Variants in STEEP1 observed in about 807,000 individuals in gnomAD.
STEEP1 encodes the protein STING ER exit protein.
STEEP1 carries 3 observed loss-of-function variants against 19.2 expected under a neutral mutation model. The ratio of observed to expected loss-of-function variants is 0.16; its 90% CI spans 0.07 to 0.40. The LOEUF (loss-of-function observed/expected upper bound fraction) is 0.40. Ranked by LOEUF, STEEP1 falls within the 10% of genes least tolerant of loss-of-function variation. The pLI, the probability that STEEP1 is intolerant of heterozygous loss-of-function variation, is 0.99. For missense variants in STEEP1, 54 were observed against 177.1 expected (o/e 0.30, Z 3.94); for synonymous variants, 46 against 63.7 (o/e 0.72, Z 1.32).
chrX:119,565,057 A>G (rs1439380056), intron 1 of STEEP1, 175 bp downstream of exon 1: 27 of 518,839 alleles, frequency 5.2e-5, no homozygotes, highest in East Asian at 5.3e-5. Flanking sequence ...AAAAGCAGGA[A>G]AAAAAAAAAT....
At chrX:119,551,053 A>C (rs750768646) in intron 2 of STEEP1, among the ~76,000 whole-genome samples, 1 of 112,401 alleles carries the variant, frequency 8.9e-6, no homozygotes, top group African/African-American at 3.2e-5. Context: ...TGTGCTTCAA[A>C]GAATATCATC....
chrX:119,561,861 T>C (rs1238373506), intron 1 of STEEP1, among the ~76,000 whole-genome samples: 1 of 111,203 alleles, frequency 9.0e-6, no homozygotes, highest in Non-Finnish European at 1.9e-5. Context: ...AAGTAAAGAT[T>C]TGTTGTTCCT....
chrX:119,550,507 C>T (rs754551720), intron 2 of STEEP1, among the ~76,000 whole-genome samples: 2 of 111,278 alleles, frequency 1.8e-5, no homozygotes, highest in Non-Finnish European at 3.8e-5. Context: ...ACTAGATAGC[C>T]ACATGCAAAA....
chrX:119,545,568 C>A (rs1411647227), intron 2 of STEEP1, 64 bp from the exon 3 acceptor site: 2 of 809,420 alleles, frequency 2.5e-6, no homozygotes, highest in South Asian at 2.1e-5. Context: ...CCTTACTATC[C>A]CATTTCTTCA....
chrX:119,552,996 C>G (rs1250634333), intron 2 of STEEP1, among the ~76,000 whole-genome samples: 1 of 110,391 alleles, frequency 9.1e-6, no homozygotes, highest in Non-Finnish European at 1.9e-5. Flanking sequence ...AACCCTGTCT[C>G]TACAAAAATT....
At chrX:119,551,423 T>C (rs1488714364) in intron 2 of STEEP1, among the ~76,000 whole-genome samples, 4 of 105,707 alleles carry the variant, frequency 3.8e-5, no homozygotes, top group Non-Finnish European at 7.8e-5. Flanking sequence ...GAGATTGTAG[T>C]GAACCGAGAT....
intron 2 of STEEP1, among the ~76,000 whole-genome samples, chrX:119,551,911 T>G (rs1404756064): frequency 1.0e-4 from 11 of 108,079 alleles, no homozygotes; most frequent in Non-Finnish European, 1.7e-4. Flanking sequence ...TTTTTTTTTT[T>G]TTTTTTTTAA....
At position 119,539,528 on chromosome X, in the gene STEEP1, C is replaced by T; in HGVS notation, c.*199G>A. ...CCTGGGCGAAAGAGCAAGACTTTAT[C>T]TCAAAAAAAAAAAAAAAAAAAAGAA... On this transcript the variant is annotated 3_prime_UTR_variant, in exon 7 of 7. Transcript: ENST00000644802. The T allele has an allele frequency of 3.6e-6, 1 of 281,255 alleles. No individual in the cohort carries two copies. The highest frequency in any genetic ancestry group is 5.9e-6 in the Non-Finnish European group (1 of 170,319). The allele number at this position is 281,255 out of a possible 1,213,427, so 23.2% of individuals were successfully genotyped here. A position where few individuals can be genotyped will look rare whatever the true frequency, so the allele number is the denominator to read the frequency against.
At chrX:119,548,301 G>A (rs2053219729) in intron 2 of STEEP1, among the ~76,000 whole-genome samples, 2 of 111,045 alleles carry the variant, frequency 1.8e-5, no homozygotes, top group Non-Finnish European at 3.8e-5. Flanking sequence ...GTGGGAGGCC[G>A]AGGCAGGCGG....
rs55913451 is a variant in STEEP1 at position 119,557,478 on chromosome X, C to CA, written c.242+2789dup. Among the ~76,000 whole-genome samples the CA allele has an allele frequency of 5.2e-4, 36 of 68,911 alleles. 1 individual carries two copies. The highest frequency in any genetic ancestry group is 1.6e-3 in the South Asian group (2 of 1,250). The allele number at this position is 68,911 out of a possible 115,157, so 59.8% of individuals were successfully genotyped here. A position where few individuals can be genotyped will look rare whatever the true frequency, so the allele number is the denominator to read the frequency against. On this transcript the variant is annotated intron_variant, in intron 2 of 6. Coordinates refer to ENST00000644802, the MANE Select transcript of STEEP1 (RefSeq NM_022101.4). The stretch of plus-strand genomic sequence containing the variant: ...CCAGGCATGGTAGCACACACCATCT[C>CA]AAAAAAAAAAAAAAAAAGAAAAAAG...
intron 6 of STEEP1, among the ~76,000 whole-genome samples, chrX:119,540,690 T>TG (rs2053156580): frequency 8.9e-6 from 1 of 112,460 alleles, no homozygotes; most frequent in Non-Finnish European, 1.9e-5. Flanking sequence ...CATTACATCC[T>TG]GGGACAACGT....
At chrX:119,541,294 G>C (rs1445048034) in intron 6 of STEEP1, 34 bp downstream of exon 6, 1 of 809,963 alleles carries the variant, frequency 1.2e-6, no homozygotes, top group Non-Finnish European at 1.9e-6. Flanking sequence ...CCAAATGATA[G>C]GGCCCCAGCA....
intron 2 of STEEP1, among the ~76,000 whole-genome samples, chrX:119,557,901 GTACTT>G (rs961070892): frequency 9.0e-6 from 1 of 110,736 alleles, no homozygotes; most frequent in Non-Finnish European, 1.9e-5. Context: ...CCAATTTGTA[GTACTT>G]TATTTTTTTT....
intron 2 of STEEP1, among the ~76,000 whole-genome samples, chrX:119,546,292 T>C (rs776812532): frequency 2.1e-4 from 23 of 109,009 alleles, no homozygotes; most frequent in African/African-American, 7.4e-4. Context: ...AATATAAAAA[T>C]TAGCTGGGCG....
chrX:119,546,437 T>C (rs1358769592), intron 2 of STEEP1, among the ~76,000 whole-genome samples: 1 of 48,499 alleles, frequency 2.1e-5, no homozygotes, highest in Non-Finnish European at 3.6e-5. Flanking sequence ...CGAGACTCCA[T>C]CTCAAAAAAA....
intron 2 of STEEP1, among the ~76,000 whole-genome samples, chrX:119,551,900 CTTT>C (rs58576371): frequency 0.068 from 6,258 of 91,364 alleles, 340 homozygotes; most frequent in African/African-American, 0.17. Flanking sequence ...GCTTCCAAAA[CTTT>C]TTTTTTTTTT....
intron 2 of STEEP1, among the ~76,000 whole-genome samples, chrX:119,559,919 C>G (rs2053309594): frequency 8.9e-6 from 1 of 111,734 alleles, no homozygotes; most frequent in Non-Finnish European, 1.9e-5. Flanking sequence ...CGTGGTGGCG[C>G]ACGCCTGTCA....
At chrX:119,549,074 G>A (rs1235580749) in intron 2 of STEEP1, among the ~76,000 whole-genome samples, 1 of 111,889 alleles carries the variant, frequency 8.9e-6, no homozygotes, top group Non-Finnish European at 1.9e-5. Flanking sequence ...AGGGGCTGAA[G>A]GTGGAGGAAA....
At position 119,561,192 on chromosome X, in the gene STEEP1, T is replaced by C. The variant is rs779538761; in HGVS notation, c.125-807A>G. Among the ~76,000 whole-genome samples, 14 of 108,076 alleles carry C rather than the reference T, an allele frequency of 1.3e-4. No individual in the cohort carries two copies. The East Asian group carries it at 4.1e-3, about 32-fold the overall frequency. The allele number at this position is 108,076 out of a possible 115,157, so 93.9% of individuals were successfully genotyped here. On this transcript the variant is annotated intron_variant, in intron 1 of 6. Coordinates refer to ENST00000644802, the MANE Select transcript of STEEP1 (RefSeq NM_022101.4). Reference sequence around the variant, plus strand: ...AGGTGGAGGTTGCAGTGAGCCAATATTGTGCCACTGCACTTCAGCCTGGGC... The same window carrying C: ...AGGTGGAGGTTGCAGTGAGCCAATACTGTGCCACTGCACTTCAGCCTGGGC...
Sources: gnomAD v4.1 joint callset for allele counts (sites outside exome capture counted in the v4.1 genomes callset) on GRCh38, gnomAD v4.1.1 for gene constraint, MANE v1.5 for transcripts, NCBI Gene and HGNC (gene_info 2026-07-23, HGNC 2026-07-21) for gene names.